Variants in MAP4K4 observed in about 807,000 individuals in gnomAD.
MAP4K4 encodes HPK/GCK-like kinase HGK.
MAP4K4 carries 38 observed loss-of-function variants against 189.6 expected under a neutral mutation model. The ratio of observed to expected loss-of-function variants is 0.20; its 90% CI spans 0.15 to 0.26. The LOEUF (loss-of-function observed/expected upper bound fraction) is 0.26, where lower values mean the gene tolerates loss of function less well. Among genes scored for constraint, MAP4K4 ranks in the 10% least tolerant of loss-of-function variants. The pLI, the probability that MAP4K4 is intolerant of heterozygous loss-of-function variation, is 1.00. For synonymous variants in MAP4K4, 610 were observed against 624.3 expected (o/e 0.98, Z 0.34); for missense variants, 1,054 against 1,726.9 (o/e 0.61, Z 6.91).
At chr2:101,886,323 C>A (rs768225928) in intron 29 of MAP4K4, among the ~76,000 whole-genome samples, 2 of 152,156 alleles carry the variant, frequency 1.3e-5, no homozygotes, top group Non-Finnish European at 2.9e-5. Context: ...CCAGCACAAT[C>A]CAGGCTGTTG....
chr2:101,832,179 T>A (rs1318487628), intron 7 of MAP4K4, among the ~76,000 whole-genome samples: 1 of 152,218 alleles, frequency 6.6e-6, no homozygotes, highest in Non-Finnish European at 1.5e-5. Flanking sequence ...TTTATTCTTT[T>A]AAAAATATTG....
At chr2:101,883,099 C>T (rs2098425936) in intron 28 of MAP4K4, among the ~76,000 whole-genome samples, 1 of 152,174 alleles carries the variant, frequency 6.6e-6, no homozygotes, top group African/African-American at 2.4e-5. Flanking sequence ...CAGGCTTATT[C>T]TCCACTTAGA....
chr2:101,832,262 G>A (rs1271109295), intron 7 of MAP4K4, among the ~76,000 whole-genome samples: 4 of 151,794 alleles, frequency 2.6e-5, no homozygotes, highest in Non-Finnish European at 5.9e-5. Flanking sequence ...CTTTTATTTG[G>A]TACACAAATT....
At chr2:101,786,465 G>T (rs568481807) in intron 2 of MAP4K4, among the ~76,000 whole-genome samples, 2 of 152,032 alleles carry the variant, frequency 1.3e-5, no homozygotes, top group African/African-American at 4.8e-5. Context: ...AAACTAAGAA[G>T]GTTGCTCTAT....
chr2:101,821,030 T>TAC (rs1204636857), intron 3 of MAP4K4, among the ~76,000 whole-genome samples: 2 of 152,204 alleles, frequency 1.3e-5, no homozygotes, highest in Non-Finnish European at 2.9e-5. Flanking sequence ...TAGAAGTGTT[T>TAC]TGTTTTACTG....
intron 3 of MAP4K4, among the ~76,000 whole-genome samples, chr2:101,793,568 GTTTTTTTTTTT>G (rs5832988): frequency 7.8e-6 from 1 of 127,578 alleles, no homozygotes; most frequent in Non-Finnish European, 1.7e-5. Context: ...ACTCTTCATG[GTTTTTTTTTTT>G]TTTTTTTTTA....
At chr2:101,870,787 C>T (rs1336260067) in intron 23 of MAP4K4, among the ~76,000 whole-genome samples, 5 of 152,258 alleles carry the variant, frequency 3.3e-5, no homozygotes, top group South Asian at 2.1e-4. Context: ...CTGCAGAGCA[C>T]GCTGGGCTCT....
In MAP4K4 at chr2:101,770,240, ATTTTTTTT is replaced by A. The variant is rs34574782; in HGVS notation, c.124-20462_124-20455del. 5.5e-4 allele frequency among the ~76,000 whole-genome samples: 41 copies of A among 75,192 alleles called. No individual in the cohort carries two copies. In the South Asian group the frequency reaches 0.013, roughly 23 times the overall value. The allele number at this position is 75,192 out of a possible 152,430, so 49.3% of individuals were successfully genotyped here. A position where few individuals can be genotyped will look rare whatever the true frequency, so the allele number is the denominator to read the frequency against. ...AAAAGTTACACTTTTGTTCATTCTG[ATTTTTTTT>A]TTTTTTTTTTTTTTTTTGAGACGGA... is the stretch of plus-strand genomic sequence containing the variant. On this transcript the variant is annotated intron_variant, in intron 2 of 32. Transcript: ENST00000324219.
At chr2:101,871,403 A>G in intron 23 of MAP4K4, 91 bp from the exon 24 acceptor site, 1 of 1,006,440 alleles carries the variant, frequency 9.9e-7, no homozygotes, top group Non-Finnish European at 1.4e-6. Context: ...AGAGTTTATA[A>G]GTCACACAGC....
intron 2 of MAP4K4, among the ~76,000 whole-genome samples, chr2:101,777,643 G>T (rs544745082): frequency 6.6e-6 from 1 of 152,296 alleles, no homozygotes; most frequent in South Asian, 2.1e-4. Context: ...CTCTGCCAGG[G>T]TTTTCCCTGT....
chr2:101,780,805 T>A (rs1575440399), intron 2 of MAP4K4, among the ~76,000 whole-genome samples: 1 of 152,376 alleles, frequency 6.6e-6, no homozygotes, highest in East Asian at 1.9e-4. Flanking sequence ...TTAACGTATC[T>A]TGACAGAGTC....
At chr2:101,718,571 G>T (rs1448162450) in intron 2 of MAP4K4, among the ~76,000 whole-genome samples, 1 of 124,254 alleles carries the variant, frequency 8.0e-6, no homozygotes, top group Non-Finnish European at 1.7e-5. Flanking sequence ...AGGTGGGGGT[G>T]GGGGGGTGGG....
chr2:101,862,693 ACT>A (rs572633829), intron 16 of MAP4K4, among the ~76,000 whole-genome samples: 145 of 152,076 alleles, frequency 9.5e-4, no homozygotes, highest in African/African-American at 3.4e-3. Context: ...CTCGTGTAGG[ACT>A]CTATTTTAAA....
At chr2:101,707,815 C>T (rs1009514147) in intron 2 of MAP4K4, among the ~76,000 whole-genome samples, 16 of 151,710 alleles carry the variant, frequency 1.1e-4, no homozygotes, top group African/African-American at 2.9e-4. Context: ...CTCAGCTTCC[C>T]GGTTAGATGG....
intron 3 of MAP4K4, among the ~76,000 whole-genome samples, chr2:101,792,230 T>G (rs2092996145): frequency 6.6e-6 from 1 of 152,198 alleles, no homozygotes; most frequent in African/African-American, 2.4e-5. Context: ...GGGAGTGGTG[T>G]TGCTGGAAAA....
At chr2:101,756,717 G>A (rs927226401) in intron 2 of MAP4K4, among the ~76,000 whole-genome samples, 2 of 149,140 alleles carry the variant, frequency 1.3e-5, no homozygotes, top group African/African-American at 4.9e-5. Context: ...ACCATGCCCA[G>A]CTAATTTTTG....
intron 32 of MAP4K4, among the ~76,000 whole-genome samples, chr2:101,890,430 C>T (rs902540551): frequency 3.9e-5 from 6 of 152,074 alleles, no homozygotes; most frequent in Non-Finnish European, 7.4e-5. Flanking sequence ...TTGATAATTG[C>T]CCCAGAGGTT....
chr2:101,859,483 T>G (rs1179362975), intron 14 of MAP4K4, among the ~76,000 whole-genome samples, 160 bp from the exon 15 acceptor site: 4 of 152,232 alleles, frequency 2.6e-5, no homozygotes, highest in African/African-American at 9.7e-5. Context: ...GTGAGATTTT[T>G]CCACAGGTAA....
At chr2:101,795,981 A>G (rs1320784416) in intron 3 of MAP4K4, among the ~76,000 whole-genome samples, 4 of 152,212 alleles carry the variant, frequency 2.6e-5, no homozygotes, top group Non-Finnish European at 5.9e-5. Context: ...TGGATAAATC[A>G]AGGACAAACA....
Sources: gnomAD v4.1 joint callset for allele counts (sites outside exome capture counted in the v4.1 genomes callset) on GRCh38, gnomAD v4.1.1 for gene constraint, MANE v1.5 for transcripts, NCBI Gene and HGNC (gene_info 2026-07-23, HGNC 2026-07-21) for gene names.